The following CHCHD6 variants were observed in gnomAD, a reference collection of about 807,000 sequenced individuals.
CHCHD6 encodes MICOS complex subunit MIC25.
CHCHD6 carries 28 observed loss-of-function variants against 32.3 expected under a neutral mutation model. The ratio of observed to expected loss-of-function variants is 0.87; its 90% CI spans 0.64 to 1.19. The LOEUF (loss-of-function observed/expected upper bound fraction) is 1.19. Ranked by LOEUF, CHCHD6 falls within the 50% of genes most tolerant of loss-of-function variation. The pLI, the probability that CHCHD6 is intolerant of heterozygous loss-of-function variation, is 0.00. For missense variants in CHCHD6, 333 were observed against 307.0 expected (o/e 1.08, Z -0.63); for synonymous variants, 122 against 117.5 (o/e 1.04, Z -0.25).
chr3:126,850,970 T>C (rs567594807), intron 4 of CHCHD6, among the ~76,000 whole-genome samples: 1 of 152,228 alleles, frequency 6.6e-6, no homozygotes, highest in African/African-American at 2.4e-5. Context: ...GAAGCCTTCC[T>C]GGCATTTTTA....
At chr3:126,726,855 G>A (rs929142544) in intron 1 of CHCHD6, among the ~76,000 whole-genome samples, 7 of 152,190 alleles carry the variant, frequency 4.6e-5, no homozygotes, top group African/African-American at 1.7e-4. Context: ...CGCAAAGCCA[G>A]CAGGGGACAT....
At position 126,957,547 on chromosome 3, in the gene CHCHD6, A is replaced by G. The variant is rs1361582945; in HGVS notation, c.698A>G (p.His233Arg). 2 of 1,565,742 alleles carry G rather than the reference A, an allele frequency of 1.3e-6. No homozygotes were observed. The highest frequency in any genetic ancestry group is 1.4e-5 in the African/African-American group (1 of 73,548). The change falls in exon 7 of 8, where the codon CAC becomes CGC. Residue 233 changes from histidine (H) to arginine (R), a missense_variant. By Grantham distance (29) the His-to-Arg change is conservative. Transcript: ENST00000290913. ...KAYQRCVSAA[H>R]KG ...TACCAGCGCTGCGTGAGCGCCGCCC[A>G]CAAGGTAAGGCCTTGCCTGCCTCCC... is the stretch of plus-strand genomic sequence containing the variant.
At chr3:126,707,501 A>G (rs1356646196) in intron 1 of CHCHD6, among the ~76,000 whole-genome samples, 2 of 152,202 alleles carry the variant, frequency 1.3e-5, no homozygotes, top group African/African-American at 4.8e-5. Flanking sequence ...CACACATGGC[A>G]GTCATGGCGC....
intron 4 of CHCHD6, among the ~76,000 whole-genome samples, chr3:126,770,471 A>G (rs1333257023): frequency 6.6e-6 from 1 of 152,238 alleles, no homozygotes; most frequent in Admixed American, 6.5e-5. Flanking sequence ...TGGATTTGTC[A>G]TAGATAGCTC....
chr3:126,707,550 C>G (rs1261263253), intron 1 of CHCHD6, among the ~76,000 whole-genome samples: 1 of 152,212 alleles, frequency 6.6e-6, no homozygotes, highest in Non-Finnish European at 1.5e-5. Flanking sequence ...TCCACATGAG[C>G]CGCCCTTTTT....
At chr3:126,954,762 G>A (rs1020516212) in intron 6 of CHCHD6, among the ~76,000 whole-genome samples, 7 of 152,192 alleles carry the variant, frequency 4.6e-5, no homozygotes, top group Non-Finnish European at 4.4e-5. Context: ...TCATGCTCTG[G>A]GGTCTCAGAC....
chr3:126,911,486 A>G (rs886574505), intron 5 of CHCHD6, among the ~76,000 whole-genome samples: 6 of 152,214 alleles, frequency 3.9e-5, no homozygotes, highest in Admixed American at 1.3e-4. Flanking sequence ...TCGAGTGCCA[A>G]GGGAGCTGCG....
At chr3:126,722,816 ATTAT>A (rs1355669350) in intron 1 of CHCHD6, among the ~76,000 whole-genome samples, 1 of 152,278 alleles carries the variant, frequency 6.6e-6, no homozygotes, top group East Asian at 1.9e-4. Flanking sequence ...AAAAAGTCCA[ATTAT>A]TTATTTATTT....
At chr3:126,810,830 T>C (rs1332769368) in intron 4 of CHCHD6, among the ~76,000 whole-genome samples, 1 of 152,226 alleles carries the variant, frequency 6.6e-6, no homozygotes, top group East Asian at 1.9e-4. Context: ...TGGTGGATAT[T>C]TCCTGAGCTG....
intron 4 of CHCHD6, among the ~76,000 whole-genome samples, chr3:126,824,871 G>A (rs1018282432): frequency 1.3e-5 from 2 of 152,168 alleles, no homozygotes; most frequent in East Asian, 3.9e-4. Context: ...GAGCCACTGT[G>A]CCCGGCCTGA....
chr3:126,784,754 G>T (rs573595704), intron 4 of CHCHD6, among the ~76,000 whole-genome samples: 1 of 152,100 alleles, frequency 6.6e-6, no homozygotes, highest in African/African-American at 2.4e-5. Context: ...CCAGTTTCAC[G>T]CTTTCACATT....
intron 5 of CHCHD6, among the ~76,000 whole-genome samples, chr3:126,881,080 A>T (rs1024068603): frequency 6.6e-6 from 1 of 152,236 alleles, no homozygotes; most frequent in African/African-American, 2.4e-5. Flanking sequence ...GTATGGGAGG[A>T]CACAGTCTGT....
At chr3:126,821,489 T>C (rs1434100008) in intron 4 of CHCHD6, among the ~76,000 whole-genome samples, 1 of 152,128 alleles carries the variant, frequency 6.6e-6, no homozygotes, top group Non-Finnish European at 1.5e-5. Context: ...AGAGACGGGA[T>C]TTCACTATGT....
intron 4 of CHCHD6, among the ~76,000 whole-genome samples, chr3:126,761,359 G>C (rs545574015): frequency 6.6e-6 from 1 of 152,088 alleles, no homozygotes; most frequent in Non-Finnish European, 1.5e-5. Flanking sequence ...TCTGTGTCCA[G>C]ATTTTCCTCT....
chr3:126,714,516 G>A (rs1035427551), intron 1 of CHCHD6, among the ~76,000 whole-genome samples: 3 of 152,082 alleles, frequency 2.0e-5, no homozygotes, highest in East Asian at 1.9e-4. Context: ...GATCTTCTTC[G>A]GATCACGGGG....
chr3:126,942,110 C>T (rs548751024), intron 6 of CHCHD6, among the ~76,000 whole-genome samples: 1 of 152,142 alleles, frequency 6.6e-6, no homozygotes, highest in East Asian at 1.9e-4. Flanking sequence ...CATGACCAGA[C>T]TCAAGCCGTG....
chr3:126,847,924 A>G (rs1423606683), intron 4 of CHCHD6, among the ~76,000 whole-genome samples: 8 of 152,046 alleles, frequency 5.3e-5, no homozygotes, highest in African/African-American at 1.9e-4. Flanking sequence ...TGTTAGACAC[A>G]TTCTGGACCA....
At chr3:126,895,907 C>T (rs1450875902) in intron 5 of CHCHD6, among the ~76,000 whole-genome samples, 1 of 152,190 alleles carries the variant, frequency 6.6e-6, no homozygotes. Context: ...TCTGCTGCAC[C>T]GAAGGACAGG....
chr3:126,726,232 CAG>C (rs199599642), intron 1 of CHCHD6, among the ~76,000 whole-genome samples: 1,805 of 152,262 alleles, frequency 0.012, 19 homozygotes, highest in Middle Eastern at 0.048. Flanking sequence ...TGTTGTGTCT[CAG>C]GGGATAGAAA....
Sources: gnomAD v4.1 joint callset for allele counts (sites outside exome capture counted in the v4.1 genomes callset) on GRCh38, gnomAD v4.1.1 for gene constraint, MANE v1.5 for transcripts, NCBI Gene and HGNC (gene_info 2026-07-23, HGNC 2026-07-21) for gene names.